The following CNTN4 variants were observed in gnomAD, a reference collection of about 807,000 sequenced individuals.
CNTN4 encodes the protein contactin 4.
CNTN4 carries 77 observed loss-of-function variants against 122.5 expected under a neutral mutation model. The observed-to-expected ratio is 0.63, with a 90% confidence interval of 0.52 to 0.76. The LOEUF (loss-of-function observed/expected upper bound fraction) is 0.76, where lower values mean the gene tolerates loss of function less well. CNTN4 is among the 30% of genes least tolerant of loss of function. The probability of loss-of-function intolerance (pLI) is 0.00; values close to 1 mark genes in which losing one functional copy is unlikely to be tolerated. For missense variants in CNTN4, 1,256 were observed against 1,259.1 expected (o/e 1.00, Z 0.04); for synonymous variants, 512 against 447.0 (o/e 1.15, Z -1.83).
At chr3:2,462,625 G>C (rs922156967) in intron 3 of CNTN4, among the ~76,000 whole-genome samples, 1 of 152,124 alleles carries the variant, frequency 6.6e-6, no homozygotes, top group African/African-American at 2.4e-5. Context: ...TACAGTCTGG[G>C]CAGCAAGTTT....
chr3:3,055,146 GGACAATTGGATTATACTTTATCA>G (rs1214067331), intron 24 of CNTN4, among the ~76,000 whole-genome samples: 8 of 151,988 alleles, frequency 5.3e-5, no homozygotes, highest in African/African-American at 1.9e-4. Flanking sequence ...CTTAAAAGGG[GGACAATTGGATTATACTTTATCA>G]AACAAAGCCT....
At chr3:2,813,726 G>T (rs2150168743) in intron 6 of CNTN4, among the ~76,000 whole-genome samples, 1 of 152,078 alleles carries the variant, frequency 6.6e-6, no homozygotes, top group Non-Finnish European at 1.5e-5. Flanking sequence ...GGACCCTCTT[G>T]ATTTTATATC....
At chr3:2,151,763 C>G (rs535542497) in intron 2 of CNTN4, among the ~76,000 whole-genome samples, 157 of 152,234 alleles carry the variant, frequency 1.0e-3, no homozygotes, top group Middle Eastern at 0.01. Context: ...GGAAAACAGA[C>G]CTGAGCTAGG....
At chr3:2,916,285 G>C (rs187759200) in intron 12 of CNTN4, among the ~76,000 whole-genome samples, 1,523 of 151,448 alleles carry the variant, frequency 0.01, 13 homozygotes, top group Non-Finnish European at 0.015. Flanking sequence ...CAATAGTGGA[G>C]GGAAGGTCAG....
chr3:2,957,526 A>C (rs1280023849), intron 13 of CNTN4, among the ~76,000 whole-genome samples: 1 of 152,136 alleles, frequency 6.6e-6, no homozygotes, highest in Non-Finnish European at 1.5e-5. Context: ...CTTGGACTAC[A>C]GATGACCCCG....
intron 2 of CNTN4, among the ~76,000 whole-genome samples, chr3:2,284,349 T>A (rs1319407981): frequency 6.6e-6 from 1 of 152,152 alleles, no homozygotes; most frequent in Non-Finnish European, 1.5e-5. Context: ...TAGGCCAATC[T>A]ATAGTATACA....
intron 6 of CNTN4, among the ~76,000 whole-genome samples, chr3:2,748,881 C>T (rs982822063): frequency 6.6e-6 from 1 of 152,172 alleles, no homozygotes; most frequent in Non-Finnish European, 1.5e-5. Context: ...AACTCATTAC[C>T]ATGGTCTCAT....
At chr3:2,679,955 A>G (rs913866847) in intron 4 of CNTN4, among the ~76,000 whole-genome samples, 8 of 152,194 alleles carry the variant, frequency 5.3e-5, no homozygotes, top group Admixed American at 3.9e-4. Context: ...TTGACACTAA[A>G]TATATTTTGG....
intron 3 of CNTN4, among the ~76,000 whole-genome samples, chr3:2,360,999 C>T (rs1402405492): frequency 3.9e-5 from 6 of 152,166 alleles, no homozygotes; most frequent in African/African-American, 1.4e-4. Context: ...TAAATGTTCA[C>T]TGTGGCTCTT....
At chr3:2,751,609 G>A (rs2090095773) in intron 6 of CNTN4, among the ~76,000 whole-genome samples, 1 of 152,080 alleles carries the variant, frequency 6.6e-6, no homozygotes, top group Admixed American at 6.5e-5. Context: ...TATTTGCACA[G>A]CTTAACGAAG....
At chr3:2,174,449 AG>A (rs956132485) in intron 2 of CNTN4, among the ~76,000 whole-genome samples, 1 of 152,122 alleles carries the variant, frequency 6.6e-6, no homozygotes, top group African/African-American at 2.4e-5. Flanking sequence ...ATGTCTGGTG[AG>A]GGCCCACTTC....
intron 12 of CNTN4, among the ~76,000 whole-genome samples, chr3:2,915,708 C>G (rs1003528206): frequency 6.6e-6 from 1 of 152,122 alleles, no homozygotes; most frequent in Non-Finnish European, 1.5e-5. Context: ...GGTATATATT[C>G]AAAATAACTG....
chr3:2,390,769 G>A (rs755993610), intron 3 of CNTN4, among the ~76,000 whole-genome samples: 17 of 151,982 alleles, frequency 1.1e-4, no homozygotes, highest in Non-Finnish European at 2.2e-4. Context: ...CCATATAACC[G>A]AGACTTCATC....
chr3:2,589,337 T>A (rs1032383964), intron 4 of CNTN4, among the ~76,000 whole-genome samples: 6 of 152,216 alleles, frequency 3.9e-5, no homozygotes, highest in African/African-American at 1.4e-4. Context: ...GTGCCTTATT[T>A]TTACCTTTCT....
intron 2 of CNTN4, among the ~76,000 whole-genome samples, chr3:2,242,030 C>T (rs1330159969): frequency 3.9e-5 from 6 of 152,112 alleles, no homozygotes; most frequent in Non-Finnish European, 8.8e-5. Flanking sequence ...TCTGCATCTG[C>T]ATACATGGTC....
intron 3 of CNTN4, among the ~76,000 whole-genome samples, chr3:2,510,293 G>C (rs1351660980): frequency 6.6e-6 from 1 of 151,886 alleles, no homozygotes; most frequent in Non-Finnish European, 1.5e-5. Flanking sequence ...AGCGTTCTCA[G>C]AGGTCTGCAG....
In CNTN4 at chr3:2,731,702, G is replaced by A. The variant is rs141773984; in HGVS notation, c.56-4513G>A. ...TCCAAGGCAGATGATGCCCTGGGGCGACTCTCACCCTTTTGGGGACCCAAG... is the reference window on the plus strand; with the variant it reads ...TCCAAGGCAGATGATGCCCTGGGGCAACTCTCACCCTTTTGGGGACCCAAG... On this transcript the variant is annotated intron_variant, in intron 4 of 24. Transcript: ENST00000418658. 2.0e-4 allele frequency among the ~76,000 whole-genome samples: 31 copies of A among 152,328 alleles called. No individual in the cohort carries two copies. The East Asian group carries it at 5.0e-3, about 25-fold the overall frequency.
intron 2 of CNTN4, among the ~76,000 whole-genome samples, chr3:2,224,955 C>T (rs2039214355): frequency 6.6e-6 from 1 of 150,848 alleles, no homozygotes; most frequent in Non-Finnish European, 1.5e-5. Context: ...TGAAGACTAT[C>T]CTGGCTAACT....
intron 3 of CNTN4, among the ~76,000 whole-genome samples, chr3:2,510,977 T>G (rs2076869820): frequency 6.6e-6 from 1 of 152,138 alleles, no homozygotes; most frequent in Non-Finnish European, 1.5e-5. Context: ...GAGGCACGAC[T>G]TGGGGAACAT....
Sources: gnomAD v4.1 joint callset for allele counts (sites outside exome capture counted in the v4.1 genomes callset) on GRCh38, gnomAD v4.1.1 for gene constraint, MANE v1.5 for transcripts, NCBI Gene and HGNC (gene_info 2026-07-23, HGNC 2026-07-21) for gene names.